The following NKTR variants were observed in gnomAD, a reference collection of about 807,000 sequenced individuals.
The protein encoded by NKTR is natural killer cell triggering receptor.
In NKTR, 67 loss-of-function variants were observed where a neutral mutation model predicts 156.3. The ratio of observed to expected loss-of-function variants is 0.43; its 90% CI spans 0.35 to 0.53. The LOEUF (loss-of-function observed/expected upper bound fraction) is 0.53. Ranked by LOEUF, NKTR falls within the 20% of genes least tolerant of loss-of-function variation. The pLI, the probability that NKTR is intolerant of heterozygous loss-of-function variation, is 0.01. For missense variants in NKTR, 1,604 were observed against 1,730.9 expected, an observed-to-expected ratio of 0.93 and a Z score of 1.30; for synonymous variants, 640 against 596.6, an observed-to-expected ratio of 1.07 and a Z score of -1.06.
At chr3:42,634,000 T>C (rs1404955630) in intron 10 of NKTR, among the ~76,000 whole-genome samples, 1 of 152,166 alleles carries the variant, frequency 6.6e-6, no homozygotes, top group Non-Finnish European at 1.5e-5. Context: ...TTATTGGGGA[T>C]CTGGAAAGAT....
intron 2 of NKTR, 109 bp downstream of exon 2, chr3:42,601,173 C>A: frequency 5.9e-6 from 5 of 840,844 alleles, no homozygotes; most frequent in Non-Finnish European, 7.0e-6. Flanking sequence ...GGGTAGGAGG[C>A]GCAGGCAACT....
intron 2 of NKTR, among the ~76,000 whole-genome samples, chr3:42,605,109 A>G (rs1370310567): frequency 6.6e-6 from 1 of 152,266 alleles, no homozygotes; most frequent in Non-Finnish European, 1.5e-5. Context: ...ATGTAATGAC[A>G]CCTTATATTC....
chr3:42,616,705 G>C (rs1317655557), intron 2 of NKTR, among the ~76,000 whole-genome samples: 3 of 152,112 alleles, frequency 2.0e-5, no homozygotes, highest in Non-Finnish European at 4.4e-5. Flanking sequence ...TTTGTTGTAG[G>C]GAAGCATAAC....
rs1709648657 is a variant in NKTR, at chr3:42,638,863, T to C, written c.3159T>C (p.Asp1053=). ...KVSENNETIK[D]NILKTEKSSE... ...CTGAAAACAATGAAACCATAAAAGA[T>C]AATATTCTAAAAACTGAGAAATCCA... is the stretch of plus-strand genomic sequence containing the variant. Residue 1053 remains aspartate, a synonymous_variant, in exon 13 of 17, where the codon GAT becomes GAC. Transcript: ENST00000232978. 1 of 1,605,736 alleles carries C rather than the reference T, an allele frequency of 6.2e-7. No individual in the cohort carries two copies. The highest frequency in any genetic ancestry group is 8.5e-7 in the Non-Finnish European group (1 of 1,177,794).
At chr3:42,620,943 A>G (rs1015180817) in intron 5 of NKTR, 41 of 896,692 alleles carry the variant, frequency 4.6e-5, no homozygotes, top group Non-Finnish European at 5.5e-5. Context: ...GTAACTTAAT[A>G]TAACATAATT....
Position 42,632,766 on chromosome 3 carries a change from G to A in NKTR, c.716G>A (p.Arg239Gln), listed in dbSNP as rs753779610. ...AAAGTTAAACGTTCTAAAAAGAGGC[G>A]AAAGGAAGCAAGCAGTTCAGAAGAG... ...RPKVKRSKKR[R>Q]KEASSSEEPR... is the part of the protein sequence containing the mutation. Residue 239 changes from arginine to glutamine, a missense_variant, in exon 9 of 17, where the codon CGA becomes CAA. By Grantham distance (43) the Arg-to-Gln change is conservative. Transcript: ENST00000232978. 2.4e-5 allele frequency: 38 copies of A among 1,612,242 alleles called. 1 individual carries two copies. The highest frequency in any genetic ancestry group is 6.6e-5 in the South Asian group (6 of 90,420).
At chr3:42,603,980 G>A (rs72864022) in intron 2 of NKTR, among the ~76,000 whole-genome samples, 20,581 of 151,934 alleles carry the variant, frequency 0.14, 1,744 homozygotes, top group African/African-American at 0.23. Flanking sequence ...CAAGTGATCC[G>A]CCCACCTCGG....
At chr3:42,619,216 T>C in intron 4 of NKTR, 89 bp downstream of exon 4, 1 of 1,545,692 alleles carries the variant, frequency 6.5e-7, no homozygotes, top group South Asian at 1.2e-5. Context: ...ATTGTGTCAG[T>C]TACAGTATGA....
chr3:42,643,848 A>T, intron 15 of NKTR, 54 bp from the exon 16 acceptor site: 2 of 1,236,370 alleles, frequency 1.6e-6, no homozygotes, highest in Non-Finnish European at 2.4e-6. Context: ...AGAAATAGGA[A>T]CATATGAGTA....
chr3:42,608,848 G>A (rs911870731), intron 2 of NKTR, among the ~76,000 whole-genome samples: 1 of 152,148 alleles, frequency 6.6e-6, no homozygotes, highest in Non-Finnish European at 1.5e-5. Context: ...ATAGTAGGCT[G>A]GGTGTGGTGG....
intron 6 of NKTR, among the ~76,000 whole-genome samples, chr3:42,625,441 T>TAAG (rs3076828): frequency 0.17 from 26,422 of 151,980 alleles, 2,791 homozygotes; most frequent in African/African-American, 0.3. Context: ...GGGCGGGGCA[T>TAAG]AAGTTTTAGA....
intron 2 of NKTR, among the ~76,000 whole-genome samples, chr3:42,608,961 T>C (rs1244436656): frequency 6.6e-6 from 1 of 151,856 alleles, no homozygotes; most frequent in African/African-American, 2.4e-5. Flanking sequence ...CCCTGACCAC[T>C]AAAAAGAAGT....
rs200604867 is a variant in NKTR at position 42,620,256 on chromosome 3, TG to T, written c.286+552del. ...CACATCAGAGAAAAGAGTCTAGTTG[TG>T]GGGTTTTTTTTCCCCTAAACCAAGC... On this transcript the variant is annotated intron_variant, in intron 5 of 16. Coordinates refer to ENST00000232978, the MANE Select transcript of NKTR (RefSeq NM_005385.4). The T allele has an allele frequency of 6.2e-4, 776 of 1,257,682 alleles. 4 individuals are homozygous for T. In the African/African-American group the frequency reaches 0.011, roughly 18 times the overall value. The allele number at this position is 1,257,682 out of a possible 1,614,324, so 77.9% of individuals were successfully genotyped here.
rs371998465 is a variant in NKTR, at chr3:42,637,814, A to G, written c.2110A>G (p.Arg704Gly). The G allele has an allele frequency of 1.2e-6, 2 of 1,613,840 alleles. No individual in the cohort carries two copies. The highest frequency in any genetic ancestry group is 2.7e-5 in the African/African-American group (2 of 74,930). The part of the protein sequence containing the change: ...SRSSRSRSYS[R>G]SYTRSRSLAS... The stretch of plus-strand genomic sequence containing the variant: ...ATCTTCTAGGAGTAGATCTTATTCC[A>G]GATCATATACAAGATCACGTAGTCT... The change falls in exon 13 of 17, where the codon AGA becomes GGA. Residue 704 changes from arginine (R) to glycine (G), a missense_variant. This residue lies in a region of NKTR where 1,255 missense variants were observed against 1,243.7 expected (regional missense o/e 1.01). Transcript: ENST00000232978.
chr3:42,626,598 T>C (rs942749412), intron 6 of NKTR, among the ~76,000 whole-genome samples: 1 of 152,178 alleles, frequency 6.6e-6, no homozygotes, highest in African/African-American at 2.4e-5. Context: ...GTATCTAATA[T>C]CACTGAACAG....
intron 16 of NKTR, 80 bp from the exon 17 acceptor site, chr3:42,645,808 C>A: frequency 1.1e-6 from 1 of 873,634 alleles, no homozygotes; most frequent in Non-Finnish European, 1.8e-6. Context: ...TCAAGCCACT[C>A]ATATAAAAAA....
chr3:42,630,933 C>T (rs1234088415), intron 7 of NKTR: 2 of 1,387,798 alleles, frequency 1.4e-6, no homozygotes, highest in African/African-American at 1.5e-5. Flanking sequence ...GACTCTTTAC[C>T]CTAAAATGGT....
At chr3:42,600,874 G>C (rs1267443104) in intron 1 of NKTR, 96 bp downstream of exon 1, 2 of 632,244 alleles carry the variant, frequency 3.2e-6, no homozygotes, top group Non-Finnish European at 2.4e-6. Flanking sequence ...TGTCGCGACG[G>C]GCCGGCGTGA....
chr3:42,630,966 A>G (rs1577529831), intron 7 of NKTR: 1 of 1,411,016 alleles, frequency 7.1e-7, no homozygotes, highest in East Asian at 2.6e-5. Flanking sequence ...TTTTAAAGGC[A>G]GAAAACTGAG....
Sources: allele counts gnomAD v4.1 joint callset (sites outside exome capture counted in the v4.1 genomes callset), GRCh38; gene constraint gnomAD v4.1.1; regional missense constraint gnomAD v4.1.1; transcripts MANE v1.5; gene names NCBI Gene and HGNC (gene_info 2026-07-23, HGNC 2026-07-21).